Variants in IFT43 observed in about 807,000 individuals in gnomAD.
IFT43 encodes the protein intraflagellar transport protein 43 homolog.
A neutral mutation model predicts 32.3 loss-of-function variants in IFT43; 33 were observed. The ratio of observed to expected loss-of-function variants is 1.02; its 90% CI spans 0.77 to 1.37. The LOEUF (loss-of-function observed/expected upper bound fraction) is 1.37. Ranked by LOEUF, IFT43 falls within the 40% of genes most tolerant of loss-of-function variation. The pLI is 0.00. For synonymous variants in IFT43, 93 were observed against 98.2 expected, an observed-to-expected ratio of 0.95 and a Z score of 0.31; for missense variants, 274 against 265.9, an observed-to-expected ratio of 1.03 and a Z score of -0.21.
At chr14:76,077,015 C>G (rs2037424936) in intron 5 of IFT43, among the ~76,000 whole-genome samples, 1 of 151,880 alleles carries the variant, frequency 6.6e-6, no homozygotes, top group Non-Finnish European at 1.5e-5. Flanking sequence ...ATTTGGCAAT[C>G]TCTCTTTTTG....
chr14:76,077,380 G>A (rs759491633), intron 5 of IFT43, among the ~76,000 whole-genome samples: 2 of 152,204 alleles, frequency 1.3e-5, no homozygotes, highest in Non-Finnish European at 2.9e-5. Context: ...GAACAATGTA[G>A]AGAAGTAGAG....
intron 3 of IFT43, among the ~76,000 whole-genome samples, chr14:76,053,376 G>C (rs1054128058): frequency 9.2e-5 from 14 of 152,124 alleles, no homozygotes; most frequent in African/African-American, 3.4e-4. Context: ...GGCAGGAGAG[G>C]CTAAGCGTAG....
intron 4 of IFT43, chr14:76,058,967 G>A (rs1456602011): frequency 2.8e-6 from 4 of 1,435,224 alleles, no homozygotes; most frequent in African/African-American, 2.9e-5. Flanking sequence ...TAGATGGGCA[G>A]AAGCAATACC....
chr14:76,083,277 C>T lies in IFT43; in HGVS notation c.495C>T (p.His165=), dbSNP rs374896158. The T allele has an allele frequency of 7.4e-6, 12 of 1,613,762 alleles. No homozygotes were observed. Among genetic ancestry groups the T allele is most frequent in the African/African-American group, 2.7e-5 (2 of 74,908 alleles). The change falls in exon 8 of 9, where the codon CAC becomes CAT. Residue 165 remains histidine, a synonymous_variant. Coordinates refer to ENST00000314067, the MANE Select transcript of IFT43 (RefSeq NM_001102564.3). ...KLLTKVLAPE[H]EVREDDVGWD... Reference sequence around the variant, plus strand: ...TCACCAAAGTGCTCGCGCCGGAGCACGAAGTCCGGGAGGTACAGTGGTGGC... The same window carrying T: ...TCACCAAAGTGCTCGCGCCGGAGCATGAAGTCCGGGAGGTACAGTGGTGGC...
chr14:76,014,817 C>A (rs1402993529), intron 2 of IFT43, among the ~76,000 whole-genome samples: 2 of 152,124 alleles, frequency 1.3e-5, no homozygotes, highest in East Asian at 3.8e-4. Context: ...GGTGGAAGTG[C>A]CCCATGGCTG....
intron 5 of IFT43, among the ~76,000 whole-genome samples, chr14:76,068,720 G>C (rs1237269707): frequency 3.3e-5 from 5 of 152,222 alleles, no homozygotes; most frequent in African/African-American, 1.2e-4. Flanking sequence ...TATGGTGTTA[G>C]AGAAAGAACA....
intron 5 of IFT43, among the ~76,000 whole-genome samples, chr14:76,062,232 A>C (rs1463152589): frequency 6.6e-6 from 1 of 151,334 alleles, no homozygotes; most frequent in Non-Finnish European, 1.5e-5. Flanking sequence ...CACCACGCCC[A>C]GCTAATTTTT....
At chr14:75,985,941 C>T in intron 1 of IFT43, 101 bp downstream of exon 1, 1 of 1,549,418 alleles carries the variant, frequency 6.5e-7, no homozygotes, top group South Asian at 1.2e-5. Context: ...GGCGGCAGGC[C>T]TCGCGCCGCG....
In IFT43 at chr14:75,993,922, A is replaced by G. The variant is rs1296862419; in HGVS notation, c.147+4945A>G. 1.3e-5 allele frequency among the ~76,000 whole-genome samples: 2 copies of G among 152,138 alleles called. 1 individual carries two copies. The highest frequency in any genetic ancestry group is 4.8e-5 in the African/African-American group (2 of 41,420). Reference sequence around the variant, plus strand: ...CCTCACTAAGGAGAGCTCTAGTTTCATTTCATTGGTCAGAACTGGATCTTA... The same window carrying G: ...CCTCACTAAGGAGAGCTCTAGTTTCGTTTCATTGGTCAGAACTGGATCTTA... On this transcript the variant is annotated intron_variant, in intron 2 of 8. Transcript: ENST00000314067.
At chr14:76,017,505 AGTT>A (rs1296490035) in intron 2 of IFT43, among the ~76,000 whole-genome samples, 4 of 151,832 alleles carry the variant, frequency 2.6e-5, no homozygotes, top group East Asian at 1.9e-4. Context: ...GTTGGCCTAT[AGTT>A]GTTGTTGTTG....
rs1388639455 is a variant in IFT43 at position 76,058,808 on chromosome 14, T to G, written c.248+134T>G. On this transcript the variant is annotated intron_variant, in intron 4 of 8. Coordinates refer to ENST00000314067, the MANE Select transcript of IFT43 (RefSeq NM_001102564.3). The stretch of plus-strand genomic sequence containing the variant: ...GTCTGGGGCTAGAATTATTGATGCC[T>G]GCTGAATCCAAGGTTTGGTTAATCC... 7.0e-6 allele frequency: 11 copies of G among 1,576,724 alleles called. No individual in the cohort carries two copies. The East Asian group carries it at 2.5e-4, about 36-fold the overall frequency.
intron 5 of IFT43, among the ~76,000 whole-genome samples, chr14:76,073,053 C>G (rs1163207420): frequency 6.6e-6 from 1 of 152,068 alleles, no homozygotes; most frequent in African/African-American, 2.4e-5. Flanking sequence ...TTTATTTGAC[C>G]AGAAAGAAAG....
intron 2 of IFT43, among the ~76,000 whole-genome samples, chr14:76,004,688 A>G (rs1206828250): frequency 6.6e-6 from 1 of 152,070 alleles, no homozygotes; most frequent in African/African-American, 2.4e-5. Context: ...ATATTGTTCC[A>G]TAAGTTTGTT....
At chr14:76,083,312 C>T in intron 8 of IFT43, 23 bp downstream of exon 8, 8 of 1,611,014 alleles carry the variant, frequency 5.0e-6, no homozygotes, top group Non-Finnish European at 6.8e-6. Context: ...CAGCAATTCC[C>T]CGGTCTCTCA....
chr14:76,071,949 A>T (rs531285375), intron 5 of IFT43, among the ~76,000 whole-genome samples: 1 of 151,892 alleles, frequency 6.6e-6, no homozygotes, highest in Non-Finnish European at 1.5e-5. Flanking sequence ...GAGGAGGCCC[A>T]TCTCCACCTG....
intron 5 of IFT43, among the ~76,000 whole-genome samples, chr14:76,067,112 G>A (rs10140362): frequency 0.083 from 12,652 of 152,162 alleles, 606 homozygotes; most frequent in African/African-American, 0.13. Flanking sequence ...TATGTGTATT[G>A]CTCAGCATTC....
At chr14:76,002,599 A>T (rs1446751224) in intron 2 of IFT43, among the ~76,000 whole-genome samples, 1 of 152,232 alleles carries the variant, frequency 6.6e-6, no homozygotes, top group Non-Finnish European at 1.5e-5. Flanking sequence ...GTGAACACTA[A>T]CTTGGCTTAG....
chr14:76,071,085 T>C (rs2037312917), intron 5 of IFT43, among the ~76,000 whole-genome samples: 1 of 152,192 alleles, frequency 6.6e-6, no homozygotes, highest in African/African-American at 2.4e-5. Flanking sequence ...TCAGTCTCCC[T>C]AACCTTTCCT....
intron 2 of IFT43, among the ~76,000 whole-genome samples, chr14:76,007,827 G>T (rs1369005364): frequency 6.6e-6 from 1 of 152,158 alleles, no homozygotes; most frequent in Non-Finnish European, 1.5e-5. Flanking sequence ...CCCAAGAAGA[G>T]GAAGAAGGGA....
Sources: gnomAD v4.1 joint callset for allele counts (sites outside exome capture counted in the v4.1 genomes callset) on GRCh38, gnomAD v4.1.1 for gene constraint, MANE v1.5 for transcripts, NCBI Gene and HGNC (gene_info 2026-07-23, HGNC 2026-07-21) for gene names.